The following ERC2 variants were observed in gnomAD, a reference collection of about 807,000 sequenced individuals.
The protein encoded by ERC2 is ERC protein 2.
In ERC2, 42 loss-of-function variants were observed where a neutral mutation model predicts 114.8. That is an observed-to-expected ratio of 0.37 (90% confidence interval 0.29 to 0.47). The LOEUF (loss-of-function observed/expected upper bound fraction) is 0.47. Among genes scored for constraint, ERC2 ranks in the 20% least tolerant of loss-of-function variants. The pLI, the probability that ERC2 is intolerant of heterozygous loss-of-function variation, is 0.99. For missense variants in ERC2, 939 were observed against 1,150.7 expected, an observed-to-expected ratio of 0.82 and a Z score of 2.66; for synonymous variants, 454 against 425.5, an observed-to-expected ratio of 1.07 and a Z score of -0.82.
intron 16 of ERC2, among the ~76,000 whole-genome samples, chr3:55,685,817 C>T (rs2062301539): frequency 6.6e-6 from 1 of 152,174 alleles, no homozygotes; most frequent in Non-Finnish European, 1.5e-5. Context: ...ACGGCCACTG[C>T]CGACTTCTTC....
chr3:56,075,760 A>G (rs1227000921), intron 7 of ERC2, among the ~76,000 whole-genome samples: 1 of 152,166 alleles, frequency 6.6e-6, no homozygotes, highest in Non-Finnish European at 1.5e-5. Context: ...CACATGTTCA[A>G]AAAATTAGGA....
intron 14 of ERC2, among the ~76,000 whole-genome samples, chr3:55,859,982 T>C (rs993665155): frequency 2.0e-5 from 3 of 152,092 alleles, no homozygotes; most frequent in Admixed American, 6.6e-5. Context: ...CTACTATTCA[T>C]CTTCATTTCA....
chr3:55,805,247 T>C (rs192252971), intron 14 of ERC2, among the ~76,000 whole-genome samples: 179 of 152,206 alleles, frequency 1.2e-3, no homozygotes, highest in Non-Finnish European at 2.0e-3. Flanking sequence ...TATGTTTTCC[T>C]TATTTAATTT....
At chr3:56,338,954 G>A (rs1265770087) in intron 2 of ERC2, among the ~76,000 whole-genome samples, 1 of 152,190 alleles carries the variant, frequency 6.6e-6, no homozygotes, top group Non-Finnish European at 1.5e-5. Context: ...TAAGACAAGT[G>A]CCTGAGAATG....
chr3:56,201,361 C>T (rs2150095781), intron 3 of ERC2, among the ~76,000 whole-genome samples: 1 of 152,324 alleles, frequency 6.6e-6, no homozygotes, highest in African/African-American at 2.4e-5. Context: ...ACTTATAAAA[C>T]ATATGATGGA....
At chr3:56,010,308 G>T (rs1488075170) in intron 9 of ERC2, 141 bp downstream of exon 9, 11 of 1,029,390 alleles carry the variant, frequency 1.1e-5, no homozygotes, top group Non-Finnish European at 1.4e-5. Context: ...TTTAAATTCA[G>T]GCAGCTTTAC....
intron 17 of ERC2, among the ~76,000 whole-genome samples, chr3:55,515,061 T>C (rs924692429): frequency 4.2e-4 from 64 of 152,228 alleles, no homozygotes; most frequent in African/African-American, 1.5e-3. Flanking sequence ...CACAGATCAA[T>C]AAATGAATGA....
At chr3:56,087,350 C>T (rs1351080958) in intron 6 of ERC2, among the ~76,000 whole-genome samples, 2 of 152,046 alleles carry the variant, frequency 1.3e-5, no homozygotes, top group Non-Finnish European at 2.9e-5. Flanking sequence ...AAAACGTTGC[C>T]AAAATCAGAG....
rs2051897427 is a variant in ERC2, at chr3:55,508,584, A to G, written c.*2732T>C. The G allele has an allele frequency of 6.6e-6, 1 of 152,568 alleles. No homozygotes were observed. Among genetic ancestry groups the G allele is most frequent in the African/African-American group, 2.4e-5 (1 of 41,432 alleles). The allele number at this position is 152,568 out of a possible 1,614,324, so 9.5% of individuals were successfully genotyped here. ...TTGAAGAAATATTACAAGAAGCACT[A>G]TCAAACGAGGGTCTCGGGGAATTAG... On this transcript the variant is annotated 3_prime_UTR_variant, in exon 18 of 18. Coordinates refer to ENST00000288221, the MANE Select transcript of ERC2 (RefSeq NM_015576.3).
At chr3:56,258,785 C>T (rs1300798656) in intron 3 of ERC2, among the ~76,000 whole-genome samples, 2 of 152,144 alleles carry the variant, frequency 1.3e-5, no homozygotes, top group East Asian at 3.8e-4. Context: ...ACGTGATATT[C>T]GAGATGGAGA....
chr3:55,671,414 T>C (rs1488229645), intron 17 of ERC2, among the ~76,000 whole-genome samples: 1 of 152,224 alleles, frequency 6.6e-6, no homozygotes, highest in African/African-American at 2.4e-5. Context: ...CTAAAATATT[T>C]ACTATCTGGA....
chr3:56,060,400 G>T (rs2076197926), intron 7 of ERC2, among the ~76,000 whole-genome samples: 1 of 152,238 alleles, frequency 6.6e-6, no homozygotes, highest in African/African-American at 2.4e-5. Context: ...TTTAAAGGTT[G>T]TCATTAGGAT....
chr3:55,967,639 A>T (rs766145735), intron 12 of ERC2, among the ~76,000 whole-genome samples: 2 of 152,216 alleles, frequency 1.3e-5, no homozygotes, highest in Non-Finnish European at 2.9e-5. Flanking sequence ...GCAACATTTT[A>T]TCTGCTGTGG....
chr3:56,289,854 CACTGCCCA>C (rs570191355), intron 3 of ERC2, among the ~76,000 whole-genome samples: 3 of 152,340 alleles, frequency 2.0e-5, no homozygotes, highest in Admixed American at 2.0e-4. Context: ...TCTAGAGTCA[CACTGCCCA>C]GCTTCCACTC....
chr3:56,065,249 G>A (rs1052037506), intron 7 of ERC2, among the ~76,000 whole-genome samples: 2 of 151,508 alleles, frequency 1.3e-5, no homozygotes, highest in African/African-American at 4.9e-5. Flanking sequence ...TATGAGACAG[G>A]GTCTCGCTCT....
chr3:56,426,940 T>C (rs945376081), intron 2 of ERC2, among the ~76,000 whole-genome samples: 4 of 150,424 alleles, frequency 2.7e-5, no homozygotes, highest in African/African-American at 7.4e-5. Flanking sequence ...GGCAGGTGGA[T>C]TGCTTGAGCC....
At chr3:56,030,452 T>C (rs2074310050) in intron 7 of ERC2, among the ~76,000 whole-genome samples, 1 of 152,208 alleles carries the variant, frequency 6.6e-6, no homozygotes, top group Non-Finnish European at 1.5e-5. Flanking sequence ...TTCGTTTATT[T>C]TACCTTTCAA....
intron 10 of ERC2, among the ~76,000 whole-genome samples, chr3:56,001,214 A>G (rs1007155): frequency 0.15 from 22,949 of 152,072 alleles, 1,943 homozygotes; most frequent in South Asian, 0.23. Flanking sequence ...AAAGATGTCT[A>G]GGTGGAGAAC....
At chr3:56,223,613 T>A (rs896963204) in intron 3 of ERC2, among the ~76,000 whole-genome samples, 1 of 151,832 alleles carries the variant, frequency 6.6e-6, no homozygotes, top group East Asian at 1.9e-4. Context: ...AGCCCTGCAA[T>A]GTATATAACT....
Sources: allele counts gnomAD v4.1 joint callset (sites outside exome capture counted in the v4.1 genomes callset), GRCh38; gene constraint gnomAD v4.1.1; transcripts MANE v1.5; gene names NCBI Gene and HGNC (gene_info 2026-07-23, HGNC 2026-07-21).